KPNA4: variants seen among roughly 807,000 people sequenced by gnomAD.
KPNA4 encodes importin subunit alpha-3.
KPNA4 carries 13 observed loss-of-function variants against 71.3 expected under a neutral mutation model. The ratio of observed to expected loss-of-function variants is 0.18; its 90% confidence interval spans 0.12 to 0.29. The LOEUF (loss-of-function observed/expected upper bound fraction) is 0.29, where lower values mean the gene tolerates loss of function less well. Among genes scored for constraint, KPNA4 ranks in the 10% least tolerant of loss-of-function variants. The pLI, the probability that KPNA4 is intolerant of heterozygous loss-of-function variation, is 1.00. For missense variants in KPNA4, 334 were observed against 603.2 expected (o/e 0.55, Z 4.67); for synonymous variants, 189 against 195.2 (o/e 0.97, Z 0.26).
intron 1 of KPNA4, among the ~76,000 whole-genome samples, chr3:160,540,713 T>C (rs1049320905): frequency 6.6e-6 from 1 of 152,172 alleles, no homozygotes; most frequent in Non-Finnish European, 1.5e-5. Context: ...TGACTTACAC[T>C]GATGCAGTAA....
At chr3:160,507,276 A>G (rs1469502404) in intron 15 of KPNA4, among the ~76,000 whole-genome samples, 2 of 152,106 alleles carry the variant, frequency 1.3e-5, no homozygotes, top group Non-Finnish European at 2.9e-5. Flanking sequence ...AGGGGAGTGG[A>G]TCACCTGAGG....
Position 160,498,459 on chromosome 3 carries a change from T to G in KPNA4, c.*3645A>C, listed in dbSNP as rs1720811117. 6.6e-6 allele frequency: 1 copy of G among 152,118 alleles called. No individual in the cohort carries two copies. Among genetic ancestry groups the G allele is most frequent in the Admixed American group, 6.6e-5 (1 of 15,264 alleles). 9.4% of individuals were successfully genotyped at this position (152,118 alleles called of 1,614,324 possible). A position where few individuals can be genotyped will look rare whatever the true frequency, so the allele number is the denominator to read the frequency against. ...GAACAGGATCTTTGAATATGATGCG[T>G]ATCACCCCTGTGATTGGACTACAAT... is the stretch of plus-strand genomic sequence containing the variant. On this transcript the variant is annotated 3_prime_UTR_variant, in exon 17 of 17. Coordinates refer to ENST00000334256, the MANE Select transcript of KPNA4 (RefSeq NM_002268.5).
intron 1 of KPNA4, among the ~76,000 whole-genome samples, chr3:160,555,341 A>G (rs973187792): frequency 2.0e-5 from 3 of 152,234 alleles, no homozygotes; most frequent in African/African-American, 7.2e-5. Context: ...TCTTTCAGGC[A>G]GTATAATGTT....
At chr3:160,502,237 A>T (rs764378471) in intron 16 of KPNA4, 35 bp from the exon 17 acceptor site, 3 of 1,207,840 alleles carry the variant, frequency 2.5e-6, no homozygotes, top group Non-Finnish European at 3.5e-6. Context: ...TGTGATAATT[A>T]GTTTTAAAAT....
At chr3:160,549,902 T>C (rs770111312) in intron 1 of KPNA4, among the ~76,000 whole-genome samples, 1 of 152,230 alleles carries the variant, frequency 6.6e-6, no homozygotes, top group Non-Finnish European at 1.5e-5. Context: ...TTGTTTTCCA[T>C]TTGTGTTTCT....
rs1254190113 is a variant in KPNA4, at chr3:160,496,943, T to C, written c.*5161A>G. ...AAGGGCCTGGATTTAAAAGGAATTT[T>C]CAAGATTATTGTTAACTTCTGGGTT... is the stretch of plus-strand genomic sequence containing the variant. On this transcript the variant is annotated 3_prime_UTR_variant, in exon 17 of 17. Transcript: ENST00000334256. 6.6e-6 allele frequency: 1 copy of C among 152,216 alleles called. No homozygotes were observed. The highest frequency in any genetic ancestry group is 6.5e-5 in the Admixed American group (1 of 15,282). The allele number at this position is 152,216 out of a possible 1,614,324, so 9.4% of individuals were successfully genotyped here.
At chr3:160,565,172 G>A in intron 1 of KPNA4, 42 bp downstream of exon 1, 3 of 1,527,160 alleles carry the variant, frequency 2.0e-6, no homozygotes, top group South Asian at 2.3e-5. Context: ...ACCGGCCCCA[G>A]GCCCACAGCC....
intron 1 of KPNA4, among the ~76,000 whole-genome samples, chr3:160,564,923 G>T (rs935377906): frequency 3.4e-5 from 5 of 146,390 alleles, no homozygotes; most frequent in African/African-American, 1.2e-4. Flanking sequence ...CGCCGCGCCC[G>T]GCCTCCCCGC....
rs762953237 is a variant in KPNA4, at chr3:160,531,446, T to A, written c.383+16A>T. 1,699 of 1,251,048 alleles carry A rather than the reference T, an allele frequency of 1.4e-3. 2 individuals carry two copies. The highest frequency in any genetic ancestry group is 1.6e-3 in the Non-Finnish European group (1,487 of 911,982). The allele number at this position is 1,251,048 out of a possible 1,614,324, so 77.5% of individuals were successfully genotyped here. A position where few individuals can be genotyped will look rare whatever the true frequency, so the allele number is the denominator to read the frequency against. Reference sequence around the variant, plus strand: ...ACATTCTAAATTAAAAAAAAAAAAATAAATAATGTACTCACTTGTCATCTC... The same window carrying A: ...ACATTCTAAATTAAAAAAAAAAAAAAAAATAATGTACTCACTTGTCATCTC... On this transcript the variant is annotated intron_variant, in intron 6 of 16. Coordinates refer to ENST00000334256, the MANE Select transcript of KPNA4 (RefSeq NM_002268.5).
At chr3:160,506,326 A>G (rs10212236) in intron 15 of KPNA4, among the ~76,000 whole-genome samples, 83,060 of 151,676 alleles carry the variant, frequency 0.55, 23,228 homozygotes, top group African/African-American at 0.57. Context: ...GCGCTACCAC[A>G]CCCAGCTAAT....
At chr3:160,550,335 T>C (rs1722014766) in intron 1 of KPNA4, among the ~76,000 whole-genome samples, 1 of 152,230 alleles carries the variant, frequency 6.6e-6, no homozygotes, top group African/African-American at 2.4e-5. Flanking sequence ...GGCAGTCACT[T>C]CAGTCTCAAA....
At chr3:160,528,860 T>C (rs1001766596) in intron 7 of KPNA4, among the ~76,000 whole-genome samples, 1 of 152,238 alleles carries the variant, frequency 6.6e-6, no homozygotes, top group Non-Finnish European at 1.5e-5. Flanking sequence ...CCTTCTGATA[T>C]TACTTTAAAA....
rs1720803415 is a variant in KPNA4 at position 160,498,166 on chromosome 3, T to G, written c.*3938A>C. The G allele has an allele frequency of 2.6e-5, 4 of 152,274 alleles. No individual in the cohort carries two copies. The South Asian group carries it at 8.3e-4, about 32-fold the overall frequency. 9.4% of individuals were successfully genotyped at this position (152,274 alleles called of 1,614,324 possible). A position where few individuals can be genotyped will look rare whatever the true frequency, so the allele number is the denominator to read the frequency against. ...TCTAAAGGGAAGGGTTGGGACAGACTGTAATTCATGGACTCTTATGAATCC... is the reference window on the plus strand; with the variant it reads ...TCTAAAGGGAAGGGTTGGGACAGACGGTAATTCATGGACTCTTATGAATCC... On this transcript the variant is annotated 3_prime_UTR_variant, in exon 17 of 17. Transcript: ENST00000334256.
chr3:160,532,124 T>A (rs1378265119), intron 5 of KPNA4, among the ~76,000 whole-genome samples: 1 of 152,234 alleles, frequency 6.6e-6, no homozygotes, highest in Non-Finnish European at 1.5e-5. Flanking sequence ...AACATTATTA[T>A]TCCCTCAGTA....
intron 16 of KPNA4, among the ~76,000 whole-genome samples, chr3:160,504,203 T>G (rs1408505721): frequency 6.6e-6 from 1 of 152,244 alleles, no homozygotes; most frequent in Non-Finnish European, 1.5e-5. Flanking sequence ...TCTAATATTG[T>G]CCTTGTCAAG....
At chr3:160,529,124 G>A (rs554184526) in intron 7 of KPNA4, among the ~76,000 whole-genome samples, 1 of 152,038 alleles carries the variant, frequency 6.6e-6, no homozygotes, top group South Asian at 2.1e-4. Context: ...TGTAGAGATG[G>A]GGTTTTACCA....
At chr3:160,513,884 C>T (rs1056842939) in intron 13 of KPNA4, among the ~76,000 whole-genome samples, 193 bp downstream of exon 13, 1 of 151,766 alleles carries the variant, frequency 6.6e-6, no homozygotes, top group Non-Finnish European at 1.5e-5. Flanking sequence ...GGATTTGCCC[C>T]CCACCCCCCA....
intron 1 of KPNA4, among the ~76,000 whole-genome samples, chr3:160,544,154 G>T (rs1039029007): frequency 6.6e-6 from 1 of 152,162 alleles, no homozygotes; most frequent in African/African-American, 2.4e-5. Context: ...CACTGTGCCC[G>T]GCCTCCTTGA....
At position 160,501,429 on chromosome 3, in the gene KPNA4, A is replaced by C. The variant is rs974173862; in HGVS notation, c.*675T>G. 18 of 152,526 alleles carry C rather than the reference A, an allele frequency of 1.2e-4. No individual in the cohort carries two copies. The highest frequency in any genetic ancestry group is 3.9e-4 in the African/African-American group (16 of 41,406). 9.4% of individuals were successfully genotyped at this position (152,526 alleles called of 1,614,324 possible). ...TTTGTTTTCATGTCCAGTGTACATT[A>C]ACACTTATGATCTCATTTTGATGAT... On this transcript the variant is annotated 3_prime_UTR_variant, in exon 17 of 17. Transcript: ENST00000334256.
Sources: allele counts gnomAD v4.1 joint callset (sites outside exome capture counted in the v4.1 genomes callset), GRCh38; gene constraint gnomAD v4.1.1; transcripts MANE v1.5; gene names NCBI Gene and HGNC (gene_info 2026-07-23, HGNC 2026-07-21).